ESCO2: variants seen among roughly 807,000 people sequenced by gnomAD.
ESCO2 encodes establishment of sister chromatid cohesion N-acetyltransferase 2, also known as N-acetyltransferase ESCO2.
Under a neutral mutation model 61.7 loss-of-function variants are expected in ESCO2, and 51 were observed. The observed-to-expected ratio is 0.83, with a 90% confidence interval of 0.66 to 1.04. The LOEUF (loss-of-function observed/expected upper bound fraction) is 1.04. ESCO2 is among the 50% of genes least tolerant of loss of function. ESCO2 has a pLI of 0.00. For missense variants in ESCO2, 692 were observed against 686.2 expected (o/e 1.01, Z -0.09); for synonymous variants, 230 against 238.2 (o/e 0.97, Z 0.32).
At chr8:27,799,846 G>C in intron 10 of ESCO2, 130 bp downstream of exon 10, 1 of 1,106,860 alleles carries the variant, frequency 9.0e-7, no homozygotes. Flanking sequence ...GTCAGGCTAA[G>C]GAAGGTATTG....
At chr8:27,785,310 A>T (rs555360478) in intron 5 of ESCO2, among the ~76,000 whole-genome samples, 17 of 152,234 alleles carry the variant, frequency 1.1e-4, no homozygotes, top group Non-Finnish European at 2.5e-4. Context: ...GTTGCACTAG[A>T]GATTAAGTTT....
At chr8:27,807,924 T>C (rs1377334566), downstream of ESCO2, among the ~76,000 whole-genome samples, 3 of 152,188 alleles carry the variant, frequency 2.0e-5, no homozygotes, top group Non-Finnish European at 4.4e-5. Context: ...GTCCACCATG[T>C]AAAGACACAG....
intron 5 of ESCO2, among the ~76,000 whole-genome samples, chr8:27,785,241 C>A (rs1805012091): frequency 6.6e-6 from 1 of 152,220 alleles, no homozygotes; most frequent in African/African-American, 2.4e-5. Context: ...TTAATCCATT[C>A]ATGAAGGTGG....
At chr8:27,777,200 C>G (rs1437003927) in intron 3 of ESCO2, 31 bp downstream of exon 3, 8 of 1,576,226 alleles carry the variant, frequency 5.1e-6, no homozygotes, top group Non-Finnish European at 6.9e-6. Context: ...TTAAAAATGG[C>G]TGTATAACAA....
chr8:27,810,259 G>C (rs757494228), downstream of ESCO2: 5 of 1,283,098 alleles, frequency 3.9e-6, no homozygotes, highest in Non-Finnish European at 5.6e-6. Context: ...AAATATTTTG[G>C]AATAAACAGT....
chr8:27,789,495 C>T (rs1173897560), intron 7 of ESCO2, among the ~76,000 whole-genome samples: 2 of 152,070 alleles, frequency 1.3e-5, no homozygotes, highest in Non-Finnish European at 2.9e-5. Flanking sequence ...AAACATAAGT[C>T]TAGGCCGGGT....
Position 27,804,552 on chromosome 8 carries a change from T to C in ESCO2, c.*1114T>C. The C allele has an allele frequency of 2.6e-5, 26 of 985,448 alleles. No individual in the cohort carries two copies. Among genetic ancestry groups the C allele is most frequent in the Non-Finnish European group, 3.1e-5 (26 of 829,924 alleles). 61.0% of individuals were successfully genotyped at this position (985,448 alleles called of 1,614,324 possible). ...TTCACACATTTTTCTAGTGTAATTC[T>C]TGGATACTTTAAAAAGCAAAACATT... On this transcript the variant is annotated 3_prime_UTR_variant, in exon 11 of 11. Coordinates refer to ENST00000305188, the MANE Select transcript of ESCO2 (RefSeq NM_001017420.3).
At chr8:27,800,090 C>A (rs1455193413) in intron 10 of ESCO2, among the ~76,000 whole-genome samples, 1 of 152,030 alleles carries the variant, frequency 6.6e-6, no homozygotes, top group Non-Finnish European at 1.5e-5. Flanking sequence ...TAAATATAAT[C>A]TATACAAAGT....
rs1805525467 is a variant in ESCO2 at position 27,804,794 on chromosome 8, C to T, written c.*1356C>T. On this transcript the variant is annotated 3_prime_UTR_variant, in exon 11 of 11. Coordinates refer to ENST00000305188, the MANE Select transcript of ESCO2 (RefSeq NM_001017420.3). ...ATGTAATTATGCAAACATTTTAATGCTATTTTCTGCACTTATTTCTTTTAA... is the reference window on the plus strand; with the variant it reads ...ATGTAATTATGCAAACATTTTAATGTTATTTTCTGCACTTATTTCTTTTAA... The T allele has an allele frequency of 4.1e-6, 4 of 972,020 alleles. No individual in the cohort carries two copies. Among genetic ancestry groups the T allele is most frequent in the Non-Finnish European group, 4.9e-6 (4 of 817,902 alleles). 60.2% of individuals were successfully genotyped at this position (972,020 alleles called of 1,614,324 possible). A position where few individuals can be genotyped will look rare whatever the true frequency, so the allele number is the denominator to read the frequency against.
chr8:27,794,838 C>T (rs1423783746), intron 9 of ESCO2, among the ~76,000 whole-genome samples: 2 of 152,080 alleles, frequency 1.3e-5, no homozygotes, highest in Non-Finnish European at 1.5e-5. Context: ...AGACTGTGTC[C>T]TTGCCCCATT....
upstream of ESCO2, chr8:27,774,381 C>T (rs774179201): frequency 3.9e-5 from 6 of 152,150 alleles, no homozygotes; most frequent in South Asian, 2.1e-4. Flanking sequence ...CGTGGTTTCC[C>T]TCAGAGATTT....
Position 27,792,786 on chromosome 8 carries a change from G to GT in ESCO2, c.1475dup (p.Leu492PhefsTer15), listed in dbSNP as rs1413591962. 1 of 1,605,440 alleles carries GT rather than the reference G, an allele frequency of 6.2e-7. No homozygotes were observed. The highest frequency in any genetic ancestry group is 1.3e-5 in the African/African-American group (1 of 74,478). On this transcript the variant is annotated frameshift_variant, in exon 9 of 11. Coordinates refer to ENST00000305188, the MANE Select transcript of ESCO2 (RefSeq NM_001017420.3). LOFTEE classifies it high-confidence loss of function. The stretch of plus-strand genomic sequence containing the variant: ...TCTGATGAAAAGAGAGTAGTTGGGT[G>GT]TTTAATTGCAGAACCCATCAAACAG...
At chr8:27,808,517 T>C (rs1449809826), downstream of ESCO2, among the ~76,000 whole-genome samples, 2 of 141,450 alleles carry the variant, frequency 1.4e-5, no homozygotes, top group Non-Finnish European at 3.1e-5. Flanking sequence ...CTACAAAAAA[T>C]AAAAAAAAAA....
chr8:27,773,215 C>T (rs1804693837), upstream of ESCO2, among the ~76,000 whole-genome samples: 1 of 152,146 alleles, frequency 6.6e-6, no homozygotes, highest in South Asian at 2.1e-4. Context: ...ATGTATTCAT[C>T]TACTGAAACT....
chr8:27,802,443 T>A (rs1266563747), intron 10 of ESCO2, among the ~76,000 whole-genome samples: 15 of 148,526 alleles, frequency 1.0e-4, no homozygotes, highest in South Asian at 2.2e-4. Context: ...TAAAAAAAAA[T>A]AAATAAATAC....
chr8:27,777,406 A>T, intron 3 of ESCO2: 2 of 302,626 alleles, frequency 6.6e-6, no homozygotes, highest in Non-Finnish European at 1.2e-5. Context: ...GGCTCAAGCA[A>T]TCCCACCTCA....
intron 7 of ESCO2, among the ~76,000 whole-genome samples, chr8:27,791,414 A>G (rs1006441915): frequency 2.2e-4 from 33 of 152,304 alleles, no homozygotes; most frequent in African/African-American, 7.9e-4. Context: ...CTGACATCTT[A>G]CCAAGGTTTT....
At chr8:27,775,645 A>G (rs1804773153) in intron 2 of ESCO2, 78 bp downstream of exon 2, 6 of 1,494,106 alleles carry the variant, frequency 4.0e-6, no homozygotes, top group Non-Finnish European at 5.6e-6. Flanking sequence ...ATTTTCTAAA[A>G]TTTTCGTTCT....
downstream of ESCO2, chr8:27,809,955 A>T (rs115017161): frequency 4.3e-6 from 1 of 235,282 alleles, no homozygotes; most frequent in Non-Finnish European, 8.2e-6. Flanking sequence ...ATGTCAGTAG[A>T]TCCATTAAAA....
Sources: allele counts gnomAD v4.1 joint callset (sites outside exome capture counted in the v4.1 genomes callset), GRCh38; gene constraint gnomAD v4.1.1; transcripts MANE v1.5; gene names NCBI Gene and HGNC (gene_info 2026-07-23, HGNC 2026-07-21).